MYO6: variants seen among roughly 807,000 people sequenced by gnomAD.
The protein encoded by MYO6 is unconventional myosin-VI.
In MYO6, 74 loss-of-function variants were observed where a neutral mutation model predicts 178.7. The ratio of observed to expected loss-of-function variants is 0.41; its 90% CI spans 0.34 to 0.50. The LOEUF is 0.50. Among genes scored for constraint, MYO6 ranks in the 20% least tolerant of loss-of-function variants. The pLI is 0.09. For missense variants in MYO6, 1,330 were observed against 1,547.4 expected (o/e 0.86, Z 2.36); for synonymous variants, 477 against 504.6 (o/e 0.95, Z 0.73).
chr6:75,835,258 A>T (rs1220435577), intron 6 of MYO6, among the ~76,000 whole-genome samples: 2 of 152,212 alleles, frequency 1.3e-5, no homozygotes, highest in Non-Finnish European at 2.9e-5. Flanking sequence ...TTAAAAAACA[A>T]TGTCAATTAG....
At chr6:75,872,349 C>T (rs1388993228) in intron 19 of MYO6, among the ~76,000 whole-genome samples, 1 of 152,082 alleles carries the variant, frequency 6.6e-6, no homozygotes, top group Non-Finnish European at 1.5e-5. Flanking sequence ...CAAATGAATG[C>T]CTTTAAGCTT....
rs1388808478 is a variant in MYO6 at position 75,838,449 on chromosome 6, G to T, written c.554-2136G>T. Reference sequence around the variant, plus strand: ...AATAGAAGTTTAGTTGCTGGTTTTGGAATGAGTATATTATTAGTAGCATTA... The same window carrying T: ...AATAGAAGTTTAGTTGCTGGTTTTGTAATGAGTATATTATTAGTAGCATTA... On this transcript the variant is annotated intron_variant, in intron 7 of 34. Transcript: ENST00000369977. 2.0e-5 allele frequency among the ~76,000 whole-genome samples: 3 copies of T among 152,114 alleles called. 1 individual carries two copies. The highest frequency in any genetic ancestry group is 2.0e-4 in the Admixed American group (3 of 15,280).
chr6:75,855,257 A>G lies in MYO6; in HGVS notation c.1197A>G (p.Ala399=). 1 of 1,613,680 alleles carries G rather than the reference A, an allele frequency of 6.2e-7. No individual in the cohort carries two copies. The highest frequency in any genetic ancestry group is 8.5e-7 in the Non-Finnish European group (1 of 1,179,692). The change falls in exon 12 of 35, where the codon GCA becomes GCG. Residue 399 remains alanine, a synonymous_variant. Coordinates refer to ENST00000369977, the MANE Select transcript of MYO6 (RefSeq NM_004999.4). ...CCACAAGAGTCATGCTAACAACAGC[A>G]GGGGGCACCAAAGGAACAGTTATAA... ...SLTTRVMLTT[A]GGTKGTVIKV... is the part of the protein sequence containing the mutation.
At chr6:75,781,527 C>T (rs960936392) in intron 1 of MYO6, among the ~76,000 whole-genome samples, 7 of 152,132 alleles carry the variant, frequency 4.6e-5, no homozygotes, top group African/African-American at 1.7e-4. Flanking sequence ...ATGGAGTTGA[C>T]ACGTTGATCT....
chr6:75,890,441 T>C (rs1368506967), intron 26 of MYO6, among the ~76,000 whole-genome samples, 176 bp downstream of exon 26: 1 of 152,108 alleles, frequency 6.6e-6, no homozygotes. Context: ...GCCTCTCGGG[T>C]TCAATCGATT....
chr6:75,829,451 C>G (rs1400398155), intron 4 of MYO6, among the ~76,000 whole-genome samples: 3 of 151,974 alleles, frequency 2.0e-5, no homozygotes, highest in Non-Finnish European at 4.4e-5. Context: ...GATCAAATGA[C>G]AGTCTTAATC....
chr6:75,815,570 TTCACTTC>T (rs1324414239), intron 1 of MYO6, among the ~76,000 whole-genome samples: 1 of 152,146 alleles, frequency 6.6e-6, no homozygotes, highest in African/African-American at 2.4e-5. Flanking sequence ...GTGGTATTGA[TTCACTTC>T]TATGAAGACT....
intron 18 of MYO6, among the ~76,000 whole-genome samples, chr6:75,869,001 ACTTT>A (rs1343298998): frequency 4.0e-5 from 6 of 148,332 alleles, no homozygotes. Context: ...TTGATAGTTG[ACTTT>A]CTTCCCTCTT....
At position 75,899,379 on chromosome 6, in the gene MYO6, T is replaced by G. The variant is rs1779555772; in HGVS notation, c.3176+968T>G. 2.0e-5 allele frequency among the ~76,000 whole-genome samples: 3 copies of G among 152,230 alleles called. No individual in the cohort carries two copies. The South Asian group carries it at 6.2e-4, about 32-fold the overall frequency. On this transcript the variant is annotated intron_variant, in intron 30 of 34. Transcript: ENST00000369977. ...GAAAAGATAACAACAAAAACAAAAC[T>G]TAATAATTTTCAGCTGCCCTCCTAG...
At chr6:75,821,439 G>T (rs1162770503) in intron 2 of MYO6, among the ~76,000 whole-genome samples, 1 of 152,062 alleles carries the variant, frequency 6.6e-6, no homozygotes, top group Non-Finnish European at 1.5e-5. Context: ...CACATGATGG[G>T]TTAATTTTGC....
intron 1 of MYO6, among the ~76,000 whole-genome samples, chr6:75,759,679 T>C (rs1777781030): frequency 1.3e-5 from 2 of 152,074 alleles, no homozygotes; most frequent in Admixed American, 1.3e-4. Context: ...TTTAGAACCT[T>C]TGGGGATTTG....
At chr6:75,780,503 TTTTG>T (rs1766859679) in intron 1 of MYO6, among the ~76,000 whole-genome samples, 1 of 152,192 alleles carries the variant, frequency 6.6e-6, no homozygotes, top group Non-Finnish European at 1.5e-5. Flanking sequence ...ATATTAATTT[TTTTG>T]TTCTTTATAG....
intron 5 of MYO6, among the ~76,000 whole-genome samples, chr6:75,831,889 CAAAAAAAAAA>C (rs199741161): frequency 1.1e-5 from 1 of 95,160 alleles, no homozygotes; most frequent in South Asian, 3.7e-4. Flanking sequence ...TACCCTGTCT[CAAAAAAAAAA>C]AAAAAGAAAA....
chr6:75,837,295 A>T (rs1011231598), intron 7 of MYO6, among the ~76,000 whole-genome samples: 1 of 152,268 alleles, frequency 6.6e-6, no homozygotes, highest in African/African-American at 2.4e-5. Flanking sequence ...ATATTTAAAT[A>T]TGCTGAAGCT....
chr6:75,853,589 G>A (rs1438013128), intron 11 of MYO6, among the ~76,000 whole-genome samples: 1 of 152,078 alleles, frequency 6.6e-6, no homozygotes, highest in Admixed American at 6.6e-5. Flanking sequence ...TGAAGAAGCT[G>A]TTCTTTCCTC....
Position 75,871,048 on chromosome 6 carries a change from A to C in MYO6, c.1983+363A>C, listed in dbSNP as rs184238635. 9.3e-4 allele frequency among the ~76,000 whole-genome samples: 141 copies of C among 152,306 alleles called. 2 individuals carry two copies. The East Asian group carries it at 0.026, about 28-fold the overall frequency. On this transcript the variant is annotated intron_variant, in intron 19 of 34. Transcript: ENST00000369977. ...TCCAGACATGGCAATGTTGATGTGG[A>C]AAAAATGGACAAAATATTTTTGTGC...
chr6:75,914,585 T>C (rs957325508), intron 34 of MYO6, among the ~76,000 whole-genome samples: 1 of 152,214 alleles, frequency 6.6e-6, no homozygotes, highest in African/African-American at 2.4e-5. Context: ...TTATTAACTC[T>C]GGTAACTTGT....
At chr6:75,903,748 C>A (rs1252962475) in intron 30 of MYO6, among the ~76,000 whole-genome samples, 1 of 151,576 alleles carries the variant, frequency 6.6e-6, no homozygotes, top group African/African-American at 2.4e-5. Context: ...ATATTGTTAT[C>A]TGTGAATTTG....
intron 2 of MYO6, among the ~76,000 whole-genome samples, chr6:75,821,639 A>G (rs1273394725): frequency 6.6e-6 from 1 of 151,786 alleles, no homozygotes; most frequent in Non-Finnish European, 1.5e-5. Context: ...ACACACACAC[A>G]AACACACACA....
Sources: gnomAD v4.1 joint callset for allele counts (sites outside exome capture counted in the v4.1 genomes callset) on GRCh38, gnomAD v4.1.1 for gene constraint, MANE v1.5 for transcripts, NCBI Gene and HGNC (gene_info 2026-07-23, HGNC 2026-07-21) for gene names.